Variants in CREB5 observed in about 807,000 individuals in gnomAD.
CREB5 encodes cAMP responsive element binding protein 5.
In CREB5, 19 loss-of-function variants were observed where a neutral mutation model predicts 57.1. The observed-to-expected ratio is 0.33, with a 90% CI of 0.23 to 0.49. The LOEUF is 0.49. Ranked by LOEUF, CREB5 falls within the 20% of genes least tolerant of loss-of-function variation. The pLI is 0.99. For synonymous variants in CREB5, 238 were observed against 238.3 expected (o/e 1.00, Z 0.01); for missense variants, 579 against 671.6 (o/e 0.86, Z 1.52).
intron 7 of CREB5, among the ~76,000 whole-genome samples, chr7:28,768,722 G>A (rs1806142380): frequency 6.6e-6 from 1 of 152,192 alleles, no homozygotes; most frequent in African/African-American, 2.4e-5. Context: ...GTGTCAAGAA[G>A]GTCTTACAAA....
intron 1 of CREB5, among the ~76,000 whole-genome samples, chr7:28,399,770 G>C (rs42701): frequency 5.9e-5 from 9 of 151,904 alleles, no homozygotes; most frequent in Non-Finnish European, 1.3e-4. Context: ...AAATTAAAAA[G>C]TACAGCTGGG....
At chr7:28,376,995 G>T (rs1249492449) in intron 1 of CREB5, among the ~76,000 whole-genome samples, 1 of 152,176 alleles carries the variant, frequency 6.6e-6, no homozygotes, top group Admixed American at 6.5e-5. Flanking sequence ...TTAACTACCG[G>T]ATTATCCATC....
intron 5 of CREB5, among the ~76,000 whole-genome samples, chr7:28,611,716 A>T (rs1022379044): frequency 1.4e-5 from 2 of 147,718 alleles, no homozygotes; most frequent in Non-Finnish European, 3.0e-5. Context: ...AAATAAATAA[A>T]ATATATATGT....
intron 3 of CREB5, among the ~76,000 whole-genome samples, chr7:28,500,219 T>C (rs1792221633): frequency 6.6e-6 from 1 of 152,078 alleles, no homozygotes; most frequent in Non-Finnish European, 1.5e-5. Flanking sequence ...TAGTGACAAG[T>C]GCTATGATGA....
intron 1 of CREB5, among the ~76,000 whole-genome samples, chr7:28,326,153 TTATCTATC>T (rs58259868): frequency 0.36 from 53,206 of 145,904 alleles, 9,793 homozygotes; most frequent in African/African-American, 0.39. Context: ...CACACACACA[TTATCTATC>T]TATCTATCTA....
intron 5 of CREB5, among the ~76,000 whole-genome samples, chr7:28,657,992 C>A (rs1006219250): frequency 3.9e-5 from 6 of 152,186 alleles, no homozygotes; most frequent in Admixed American, 2.6e-4. Flanking sequence ...CTCGTCTGCT[C>A]ACTGAGCAGG....
intron 5 of CREB5, among the ~76,000 whole-genome samples, chr7:28,670,933 C>G (rs1397554311): frequency 6.6e-6 from 1 of 152,098 alleles, no homozygotes; most frequent in African/African-American, 2.4e-5. Context: ...TGGCCTCAGG[C>G]AATTGCACTT....
At chr7:28,718,548 G>T (rs556655815) in intron 5 of CREB5, among the ~76,000 whole-genome samples, 11 of 152,298 alleles carry the variant, frequency 7.2e-5, no homozygotes, top group African/African-American at 2.6e-4. Flanking sequence ...AGTGGAATTT[G>T]ATATATTAAC....
intron 7 of CREB5, among the ~76,000 whole-genome samples, chr7:28,724,842 A>G (rs1412870079): frequency 6.6e-6 from 1 of 152,180 alleles, no homozygotes; most frequent in Admixed American, 6.5e-5. Context: ...CCCTTACTGA[A>G]AGGCATGATT....
intron 5 of CREB5, among the ~76,000 whole-genome samples, chr7:28,669,590 G>A (rs557629934): frequency 6.6e-5 from 10 of 151,086 alleles, no homozygotes; most frequent in African/African-American, 1.5e-4. Flanking sequence ...TCTGAAAATC[G>A]GAAGTTATTT....
At chr7:28,312,600 T>C (rs772232995) in intron 1 of CREB5, among the ~76,000 whole-genome samples, 1 of 152,198 alleles carries the variant, frequency 6.6e-6, no homozygotes, top group African/African-American at 2.4e-5. Context: ...CTCAACCATT[T>C]TGAGGCTTTT....
At chr7:28,724,461 C>A in intron 7 of CREB5, 129 bp downstream of exon 7, 1 of 695,934 alleles carries the variant, frequency 1.4e-6, no homozygotes, top group South Asian at 1.7e-5. Context: ...AAAGGCAGTG[C>A]AGAGACTGCC....
At chr7:28,502,733 C>A (rs1490023367) in intron 3 of CREB5, among the ~76,000 whole-genome samples, 2 of 152,138 alleles carry the variant, frequency 1.3e-5, no homozygotes, top group African/African-American at 4.8e-5. Context: ...GAATATCAGA[C>A]CAATAGGAAA....
intron 5 of CREB5, among the ~76,000 whole-genome samples, chr7:28,575,337 G>C (rs1795864774): frequency 6.6e-6 from 1 of 152,176 alleles, no homozygotes; most frequent in Non-Finnish European, 1.5e-5. Flanking sequence ...TGTTGCTGGG[G>C]GTGGGGAAAG....
At chr7:28,737,587 A>T (rs1034597877) in intron 7 of CREB5, among the ~76,000 whole-genome samples, 2,263 of 102,666 alleles carry the variant, frequency 0.022, 61 homozygotes, top group South Asian at 0.04. Flanking sequence ...ATATATATAT[A>T]TTTTTAACTC....
intron 1 of CREB5, among the ~76,000 whole-genome samples, chr7:28,402,392 G>C (rs1716000412): frequency 2.0e-5 from 3 of 152,174 alleles, no homozygotes; most frequent in Admixed American, 2.0e-4. Context: ...GAACAAAGCT[G>C]GAGGCATCAC....
Position 28,632,446 on chromosome 7 carries a change from T to G in CREB5, c.464+61909T>G, listed in dbSNP as rs561675975. Among the ~76,000 whole-genome samples the G allele has an allele frequency of 4.6e-5, 7 of 152,310 alleles. No individual in the cohort carries two copies. The South Asian group carries it at 1.0e-3, about 23-fold the overall frequency. ...GGAGAAGTGAGGGTCCTTCTGTGAT[T>G]CTTCTCTCCCTCTCTCCTGTTGGTG... On this transcript the variant is annotated intron_variant, in intron 5 of 10. Transcript: ENST00000357727.
chr7:28,350,984 A>T (rs17156633), intron 1 of CREB5, among the ~76,000 whole-genome samples: 1,910 of 152,288 alleles, frequency 0.013, 33 homozygotes, highest in African/African-American at 0.044. Context: ...GTTACCATGG[A>T]CTTTGAGCTT....
At chr7:28,624,327 A>C (rs1320798614) in intron 5 of CREB5, among the ~76,000 whole-genome samples, 2 of 152,232 alleles carry the variant, frequency 1.3e-5, no homozygotes, top group African/African-American at 2.4e-5. Context: ...AGCAGGGAAG[A>C]ACAGTTGGGA....
Sources: allele counts gnomAD v4.1 joint callset (sites outside exome capture counted in the v4.1 genomes callset), GRCh38; gene constraint gnomAD v4.1.1; transcripts MANE v1.5; gene names NCBI Gene and HGNC (gene_info 2026-07-23, HGNC 2026-07-21).